LDB3: variants seen among roughly 807,000 people sequenced by gnomAD.
The protein encoded by LDB3 is LIM domain-binding protein 3.
A neutral mutation model predicts 69.0 loss-of-function variants in LDB3; 49 were observed. The ratio of observed to expected loss-of-function variants is 0.71; its 90% CI spans 0.56 to 0.90. LDB3 has a LOEUF of 0.90. Among genes scored for constraint, LDB3 ranks in the 40% least tolerant of loss-of-function variants. The probability of loss-of-function intolerance (pLI) is 0.00; values close to 1 mark genes in which losing one functional copy is unlikely to be tolerated. For missense variants in LDB3, 928 were observed against 974.1 expected, an observed-to-expected ratio of 0.95 and a Z score of 0.63; for synonymous variants, 387 against 396.2, an observed-to-expected ratio of 0.98 and a Z score of 0.28.
chr10:86,682,753 G>T (rs1330585996), intron 5 of LDB3, among the ~76,000 whole-genome samples: 2 of 152,174 alleles, frequency 1.3e-5, no homozygotes, highest in Non-Finnish European at 2.9e-5. Flanking sequence ...CACTTGTAAA[G>T]CTCTGAGCTT....
intron 12 of LDB3, among the ~76,000 whole-genome samples, chr10:86,720,322 T>C (rs1425226666): frequency 6.6e-6 from 1 of 151,990 alleles, no homozygotes; most frequent in Non-Finnish European, 1.5e-5. Context: ...CGGGCGTCTG[T>C]AATCCCAGCT....
At position 86,733,324 on chromosome 10, in the gene LDB3, G is replaced by T. The variant is rs1847539240; in HGVS notation, c.*348G>T. The T allele has an allele frequency of 3.0e-6, 1 of 337,418 alleles. No individual in the cohort carries two copies. Among genetic ancestry groups the T allele is most frequent in the Non-Finnish European group, 5.8e-6 (1 of 173,862 alleles). The allele number at this position is 337,418 out of a possible 1,614,324, so 20.9% of individuals were successfully genotyped here. On this transcript the variant is annotated 3_prime_UTR_variant, in exon 14 of 14. Transcript: ENST00000361373. ...GGTCACCAGAGGAGGACAGAGCTTA[G>T]AGCAGCTGTGGAGAATCTGAAGCAT... is the stretch of plus-strand genomic sequence containing the variant.
chr10:86,688,159 C>T, intron 5 of LDB3, among the ~76,000 whole-genome samples: 1 of 150,946 alleles, frequency 6.6e-6, no homozygotes, highest in Non-Finnish European at 1.5e-5. Flanking sequence ...TTGGGAATAC[C>T]ACTGTGTTGG....
intron 2 of LDB3, among the ~76,000 whole-genome samples, chr10:86,669,061 C>CAGGT (rs1844315530): frequency 6.6e-6 from 1 of 152,242 alleles, no homozygotes; most frequent in East Asian, 1.9e-4. Context: ...GGCAGGCAGG[C>CAGGT]AGGTAGCTGG....
intron 7 of LDB3, among the ~76,000 whole-genome samples, chr10:86,703,309 G>T (rs116105392): frequency 1.3e-5 from 2 of 152,238 alleles, no homozygotes; most frequent in African/African-American, 4.8e-5. Context: ...TGAGCAGCCA[G>T]CTCAGTGGCG....
intron 7 of LDB3, among the ~76,000 whole-genome samples, chr10:86,704,078 C>T (rs575401160): frequency 6.6e-6 from 1 of 151,654 alleles, no homozygotes; most frequent in Admixed American, 6.6e-5. Context: ...CGCGACATTG[C>T]ACTCCAGCCT....
At chr10:86,698,464 CGCCTGTG>C (rs2132438407) in intron 7 of LDB3, among the ~76,000 whole-genome samples, 2 of 152,290 alleles carry the variant, frequency 1.3e-5, no homozygotes, top group South Asian at 4.2e-4. Context: ...TGGATTCTGA[CGCCTGTG>C]GCACTGGCCT....
intron 5 of LDB3, chr10:86,685,604 GC>G (rs1283074409): frequency 1.0e-5 from 15 of 1,481,766 alleles, no homozygotes; most frequent in Non-Finnish European, 1.4e-5. Context: ...GCTGATGATG[GC>G]CCCGGCGCTC....
intron 13 of LDB3, 29 bp from the exon 14 acceptor site, chr10:86,732,858 G>T: frequency 1.3e-6 from 2 of 1,582,708 alleles, no homozygotes; most frequent in Non-Finnish European, 1.7e-6. Flanking sequence ...TGCCACGTGG[G>T]TCTCACGCAG....
chr10:86,696,529 G>A (rs1162007098), intron 7 of LDB3, among the ~76,000 whole-genome samples: 1 of 152,094 alleles, frequency 6.6e-6, no homozygotes, highest in Non-Finnish European at 1.5e-5. Context: ...TTTTTAAACA[G>A]CTTCAAGTAG....
At chr10:86,732,029 G>C (rs1847486195) in intron 13 of LDB3, among the ~76,000 whole-genome samples, 1 of 129,744 alleles carries the variant, frequency 7.7e-6, no homozygotes, top group African/African-American at 3.0e-5. Context: ...TTTTTTGGTA[G>C]AGACAGAGGC....
In LDB3 at chr10:86,687,420, C is replaced by T. The variant is rs78200082; in HGVS notation, c.690-4476C>T. On this transcript the variant is annotated intron_variant, in intron 5 of 13. Coordinates refer to ENST00000361373, the MANE Select transcript of LDB3 (RefSeq NM_007078.3). Reference sequence around the variant, plus strand: ...GAGGGGAGCCAGCCTTCACCAGGGCCTTCTGGAACGTGGGTATCCTCTCTT... The same window carrying T: ...GAGGGGAGCCAGCCTTCACCAGGGCTTTCTGGAACGTGGGTATCCTCTCTT... 0.038 allele frequency: 29,620 copies of T among 772,290 alleles called. 750 individuals are homozygous for T. The highest frequency in any genetic ancestry group is 0.089 in the African/African-American group (5,179 of 58,436). 47.8% of individuals were successfully genotyped at this position (772,290 alleles called of 1,614,324 possible). A position where few individuals can be genotyped will look rare whatever the true frequency, so the allele number is the denominator to read the frequency against.
At chr10:86,727,382 A>G (rs1847291606) in intron 13 of LDB3, among the ~76,000 whole-genome samples, 1 of 152,060 alleles carries the variant, frequency 6.6e-6, no homozygotes, top group African/African-American at 2.4e-5. Context: ...CTCAAGGTAA[A>G]TTTTGGAAAT....
rs746113729 is a variant in LDB3, at chr10:86,709,892, C to T, written c.1086-13C>T. 34 of 1,607,774 alleles carry T rather than the reference C, an allele frequency of 2.1e-5. No individual in the cohort carries two copies. The highest frequency in any genetic ancestry group is 2.1e-4 in the South Asian group (19 of 91,030). ...TGTCCTTCTGGGTGTAACCCCTCCC[C>T]GCTTGGTTCCAGGCCCCAGGCCTCT... is the stretch of plus-strand genomic sequence containing the variant. On this transcript the variant is annotated splice_polypyrimidine_tract_variant and intron_variant, in intron 8 of 13. Coordinates refer to ENST00000361373, the MANE Select transcript of LDB3 (RefSeq NM_007078.3).
At chr10:86,692,867 G>A (rs1845832716) in intron 7 of LDB3, among the ~76,000 whole-genome samples, 1 of 152,192 alleles carries the variant, frequency 6.6e-6, no homozygotes, top group Non-Finnish European at 1.5e-5. Context: ...CTGGGCTGTT[G>A]AGAATGAGGG....
intron 8 of LDB3, 84 bp downstream of exon 8, chr10:86,706,803 T>G (rs1269388398): frequency 1.4e-6 from 2 of 1,447,088 alleles, no homozygotes; most frequent in Non-Finnish European, 1.9e-6. Flanking sequence ...TGGCCAGCTG[T>G]GTCCAAGGTA....
rs1847554052 is a variant in LDB3, at chr10:86,733,982, A to C, written c.*1006A>C. 1 of 152,238 alleles carries C rather than the reference A, an allele frequency of 6.6e-6. No individual in the cohort carries two copies. Among genetic ancestry groups the C allele is most frequent in the South Asian group, 2.1e-4 (1 of 4,830 alleles). The allele number at this position is 152,238 out of a possible 1,614,324, so 9.4% of individuals were successfully genotyped here. ...AAGAGAGACAGAGAGACAGTGTCTG[A>C]AACAGGATGGCAGAATAGGCTCACA... On this transcript the variant is annotated 3_prime_UTR_variant, in exon 14 of 14. Transcript: ENST00000361373.
At chr10:86,697,516 C>T (rs142137148) in intron 7 of LDB3, among the ~76,000 whole-genome samples, 11,151 of 149,952 alleles carry the variant, frequency 0.074, 805 homozygotes, top group African/African-American at 0.19. Flanking sequence ...CCGCCGTGCC[C>T]GGCCAACTTC....
intron 5 of LDB3, among the ~76,000 whole-genome samples, chr10:86,683,898 G>A (rs1272840143): frequency 2.0e-5 from 3 of 152,210 alleles, no homozygotes; most frequent in Non-Finnish European, 4.4e-5. Context: ...CCACCTGCGG[G>A]GTAGGCACTA....
Sources: allele counts gnomAD v4.1 joint callset (sites outside exome capture counted in the v4.1 genomes callset), GRCh38; gene constraint gnomAD v4.1.1; transcripts MANE v1.5; gene names NCBI Gene and HGNC (gene_info 2026-07-23, HGNC 2026-07-21).